The following ADCY1 variants were observed in gnomAD, a reference collection of about 807,000 sequenced individuals.
ADCY1 encodes adenylate cyclase 1, also known as adenylate cyclase type 1.
A neutral mutation model predicts 105.4 loss-of-function variants in ADCY1; 28 were observed. That is an observed-to-expected ratio of 0.27 (90% CI 0.20 to 0.36). ADCY1 has a LOEUF of 0.36. Ranked by LOEUF, ADCY1 falls within the 10% of genes least tolerant of loss-of-function variation. ADCY1 has a pLI of 1.00. For missense variants in ADCY1, 977 were observed against 1,434.2 expected (o/e 0.68, Z 5.15); for synonymous variants, 655 against 623.8 (o/e 1.05, Z -0.75).
At chr7:45,654,711 T>C (rs1020590942) in intron 5 of ADCY1, among the ~76,000 whole-genome samples, 1 of 152,232 alleles carries the variant, frequency 6.6e-6, no homozygotes, top group African/African-American at 2.4e-5. Context: ...TGTTGATACA[T>C]TTAGGGATGG....
At chr7:45,593,482 G>C (rs1297327143) in intron 2 of ADCY1, among the ~76,000 whole-genome samples, 1 of 152,198 alleles carries the variant, frequency 6.6e-6, no homozygotes, top group African/African-American at 2.4e-5. Flanking sequence ...TGGCTTGGAA[G>C]GAGCCATGCC....
At position 45,623,345 on chromosome 7, in the gene ADCY1, C is replaced by T. The variant is rs530696196; in HGVS notation, c.1020+602C>T. 4.2e-4 allele frequency among the ~76,000 whole-genome samples: 64 copies of T among 152,346 alleles called. 2 individuals are homozygous for T. In the South Asian group the frequency reaches 0.013, roughly 31 times the overall value. ...CCATACCAACAGCGTTGGCTTGTAA[C>T]GTGCATGTTAGGAAGCAAAGATGAG... On this transcript the variant is annotated intron_variant, in intron 4 of 19. Transcript: ENST00000297323.
rs565488453 is a variant in ADCY1, at chr7:45,720,678, A to G, written c.*6683A>G. ...TTCCTTCTACCCGTCACCAGATTCA[A>G]TATGTTCTATTAATACACCGATAAC... is the stretch of plus-strand genomic sequence containing the variant. On this transcript the variant is annotated 3_prime_UTR_variant, in exon 20 of 20. Transcript: ENST00000297323. The G allele has an allele frequency of 6.6e-6, 1 of 152,226 alleles. No homozygotes were observed. The highest frequency in any genetic ancestry group is 1.5e-5 in the Non-Finnish European group (1 of 68,024). 9.4% of individuals were successfully genotyped at this position (152,226 alleles called of 1,614,324 possible). A position where few individuals can be genotyped will look rare whatever the true frequency, so the allele number is the denominator to read the frequency against.
chr7:45,598,673 A>G (rs922474934), intron 2 of ADCY1, among the ~76,000 whole-genome samples: 2 of 152,238 alleles, frequency 1.3e-5, no homozygotes, highest in African/African-American at 4.8e-5. Flanking sequence ...AAAATCCTAT[A>G]ATTATTAAAA....
In ADCY1 at chr7:45,686,402, T is replaced by A. The variant is rs75405874; in HGVS notation, c.2328-145T>A. 3,154 of 1,414,426 alleles carry A rather than the reference T, an allele frequency of 2.2e-3. 106 individuals carry two copies. The East Asian group carries it at 0.057, about 26-fold the overall frequency. 87.6% of individuals were successfully genotyped at this position (1,414,426 alleles called of 1,614,324 possible). On this transcript the variant is annotated intron_variant, in intron 13 of 19. Transcript: ENST00000297323. The surrounding 1 kb of genome is among the most constrained non-coding windows in gnomAD (Gnocchi z 4.3). ...AGGACTCAGATTTCCCTATGATAAG[T>A]GATTCTTGGCCAAGGTCAATCCCAG...
intron 11 of ADCY1, among the ~76,000 whole-genome samples, chr7:45,682,580 C>T (rs781627034): frequency 6.6e-6 from 1 of 152,124 alleles, no homozygotes; most frequent in Admixed American, 6.5e-5. Context: ...GGGTGTGCCT[C>T]GGATAAGCTG....
Position 45,574,792 on chromosome 7 carries a change from G to T in ADCY1, c.249G>T (p.Ala83=), listed in dbSNP as rs747493330. ...GALALAELLG[A]PGPAPGLAKG... is the part of the protein sequence containing the mutation. ...TGGCGCTGGCCGAGCTGCTGGGCGC[G>T]CCGGGGCCCGCGCCCGGCCTGGCCA... The change falls in exon 1 of 20, where the codon GCG becomes GCT. Residue 83 remains alanine, a synonymous_variant. Transcript: ENST00000297323. This position sits in a 1 kb window ranked among gnomAD's most constrained non-coding sequence, Gnocchi z 7.0. The T allele has an allele frequency of 6.5e-7, 1 of 1,549,786 alleles. No homozygotes were observed. The highest frequency in any genetic ancestry group is 2.5e-5 in the East Asian group (1 of 39,432).
Position 45,674,698 on chromosome 7 carries a change from G to A in ADCY1, c.1606-3171G>A, listed in dbSNP as rs149678758. ...TTTCTCCTTAAATTCTATCAGTTTT[G>A]GCTTTGTGTGATTGAAATTTCTATT... On this transcript the variant is annotated intron_variant, in intron 8 of 19. Coordinates refer to ENST00000297323, the MANE Select transcript of ADCY1 (RefSeq NM_021116.4). Among the ~76,000 whole-genome samples the A allele has an allele frequency of 2.8e-3, 431 of 152,188 alleles. 4 individuals carry two copies. The highest frequency in any genetic ancestry group is 9.8e-3 in the African/African-American group (405 of 41,520).
intron 4 of ADCY1, among the ~76,000 whole-genome samples, chr7:45,636,840 C>T (rs190652735): frequency 6.6e-6 from 1 of 152,364 alleles, no homozygotes; most frequent in African/African-American, 2.4e-5. Flanking sequence ...CATACCCAGC[C>T]TGTTTGTGTC....
rs1327776776 is a variant in ADCY1 at position 45,712,030 on chromosome 7, T to A, written c.3057+1378T>A. Among the ~76,000 whole-genome samples, 5 of 82,600 alleles carry A rather than the reference T, an allele frequency of 6.1e-5. No individual in the cohort carries two copies. In the South Asian group the frequency reaches 7.3e-4, roughly 12 times the overall value. 54.2% of individuals were successfully genotyped at this position (82,600 alleles called of 152,430 possible). A position where few individuals can be genotyped will look rare whatever the true frequency, so the allele number is the denominator to read the frequency against. On this transcript the variant is annotated intron_variant, in intron 19 of 19. Coordinates refer to ENST00000297323, the MANE Select transcript of ADCY1 (RefSeq NM_021116.4). ...TAAATATATATTTTATATATTATAC[T>A]AAATATATATTTTATATAATATATT...
At chr7:45,662,241 G>T (rs1269345557) in intron 8 of ADCY1, 27 bp downstream of exon 8, 5 of 1,603,168 alleles carry the variant, frequency 3.1e-6, no homozygotes, top group South Asian at 2.2e-5. Flanking sequence ...AGCCTGCCAT[G>T]CTGGAGCTGC....
intron 4 of ADCY1, among the ~76,000 whole-genome samples, chr7:45,635,601 GTTT>G (rs71030884): frequency 4.9e-4 from 28 of 57,196 alleles, no homozygotes; most frequent in African/African-American, 1.9e-3. Context: ...AATTTCTCTT[GTTT>G]TTTTTTTTTT....
chr7:45,699,395 C>T (rs1584340543), intron 14 of ADCY1, among the ~76,000 whole-genome samples: 1 of 152,280 alleles, frequency 6.6e-6, no homozygotes, highest in South Asian at 2.1e-4. Flanking sequence ...GTGAGTCCCC[C>T]ATCTCTGTGA....
intron 2 of ADCY1, among the ~76,000 whole-genome samples, chr7:45,600,950 A>G (rs1454472723): frequency 1.3e-5 from 2 of 152,336 alleles, no homozygotes; most frequent in East Asian, 3.9e-4. Context: ...TATAGTCACC[A>G]CATTGGGTTT....
intron 1 of ADCY1, among the ~76,000 whole-genome samples, chr7:45,589,378 G>A (rs76617131): frequency 0.03 from 4,550 of 152,278 alleles, 76 homozygotes; most frequent in South Asian, 0.06. Flanking sequence ...GCGGGCTGTG[G>A]TGGGGAGGCC....
intron 4 of ADCY1, among the ~76,000 whole-genome samples, chr7:45,646,284 A>C (rs2116049236): frequency 6.6e-6 from 1 of 152,252 alleles, no homozygotes; most frequent in Middle Eastern, 3.4e-3. Flanking sequence ...TCCTGCCTTC[A>C]GTTTTGCAGG....
chr7:45,660,665 C>G (rs1489117486), intron 7 of ADCY1, among the ~76,000 whole-genome samples: 1 of 152,106 alleles, frequency 6.6e-6, no homozygotes, highest in Non-Finnish European at 1.5e-5. Flanking sequence ...GGGTCAGGCT[C>G]AGGTGAGGGT....
intron 2 of ADCY1, among the ~76,000 whole-genome samples, chr7:45,601,893 G>A (rs1294336401): frequency 6.6e-6 from 1 of 152,036 alleles, no homozygotes; most frequent in Non-Finnish European, 1.5e-5. Context: ...AGGACACCAT[G>A]GCTGAGAACA....
intron 2 of ADCY1, among the ~76,000 whole-genome samples, chr7:45,605,415 A>C (rs1793347630): frequency 6.6e-6 from 1 of 152,206 alleles, no homozygotes; most frequent in African/African-American, 2.4e-5. Context: ...TCCCAGTGAA[A>C]GCATTCAATG....
Sources: allele counts gnomAD v4.1 joint callset (sites outside exome capture counted in the v4.1 genomes callset), GRCh38; gene constraint gnomAD v4.1.1; non-coding constraint Gnocchi (gnomAD v3.1); transcripts MANE v1.5; gene names NCBI Gene and HGNC (gene_info 2026-07-23, HGNC 2026-07-21).